The following HTR4 variants were observed in gnomAD, a reference collection of about 807,000 sequenced individuals.
The protein encoded by HTR4 is 5-hydroxytryptamine (serotonin) receptor 4, G protein-coupled.
HTR4 carries 16 observed loss-of-function variants against 36.8 expected under a neutral mutation model. That is an observed-to-expected ratio of 0.43 (90% confidence interval 0.29 to 0.66). HTR4 has a LOEUF of 0.66. HTR4 is among the 30% of genes least tolerant of loss of function. The probability of loss-of-function intolerance (pLI) is 0.13; values close to 1 mark genes in which losing one functional copy is unlikely to be tolerated. For missense variants in HTR4, 438 were observed against 490.9 expected, an observed-to-expected ratio of 0.89 and a Z score of 1.02; for synonymous variants, 189 against 185.1, an observed-to-expected ratio of 1.02 and a Z score of -0.17.
rs747190074 is a variant in HTR4 at position 148,550,226 on chromosome 5, C to T, written c.63G>A (p.Val21=). The T allele has an allele frequency of 6.2e-7, 1 of 1,614,112 alleles. No homozygotes were observed. The highest frequency in any genetic ancestry group is 1.7e-5 in the Admixed American group (1 of 60,026). Residue 21 remains valine, a synonymous_variant, in exon 3 of 7, where the codon GTG becomes GTA. Coordinates refer to ENST00000377888, the MANE Select transcript of HTR4 (RefSeq NM_000870.7). ...EEGFGSVEKV[V]LLTFLSTVIL... The stretch of plus-strand genomic sequence containing the variant: ...TAACCGTCGAGAGAAACGTGAGCAG[C>T]ACCACCTTCTCCACTGACCCGAAAC...
chr5:148,573,550 C>T (rs60558253), intron 2 of HTR4, among the ~76,000 whole-genome samples: 21,855 of 151,858 alleles, frequency 0.14, 1,886 homozygotes, highest in East Asian at 0.26. Context: ...CTGGAAGTGA[C>T]TTATATTATA....
chr5:148,624,198 T>A (rs1753011380), intron 2 of HTR4, among the ~76,000 whole-genome samples: 2 of 152,176 alleles, frequency 1.3e-5, no homozygotes, highest in Admixed American at 1.3e-4. Context: ...TAGGAATTGG[T>A]GTAATAATAC....
downstream of HTR4, among the ~76,000 whole-genome samples, chr5:148,475,991 C>T (rs1755684184): frequency 6.6e-6 from 1 of 152,188 alleles, no homozygotes; most frequent in Non-Finnish European, 1.5e-5. Flanking sequence ...TGTCAAAGCC[C>T]AAGTTCCTAA....
chr5:148,582,214 A>G (rs528744110), intron 2 of HTR4, among the ~76,000 whole-genome samples: 1 of 152,054 alleles, frequency 6.6e-6, no homozygotes, highest in South Asian at 2.1e-4. Flanking sequence ...GAATTAGTTT[A>G]TTAGTTCTAA....
chr5:148,583,351 G>A (rs1418217891), intron 2 of HTR4, among the ~76,000 whole-genome samples: 1 of 151,768 alleles, frequency 6.6e-6, no homozygotes, highest in Non-Finnish European at 1.5e-5. Flanking sequence ...GAGTTAGTGG[G>A]TGCAGCGCAC....
intron 2 of HTR4, among the ~76,000 whole-genome samples, chr5:148,572,548 A>T (rs1013023176): frequency 2.0e-5 from 3 of 152,148 alleles, no homozygotes; most frequent in African/African-American, 7.2e-5. Context: ...TCTTAAAAAA[A>T]GTCTGATAAC....
chr5:148,553,606 C>T (rs948996146), intron 2 of HTR4, among the ~76,000 whole-genome samples: 9 of 152,094 alleles, frequency 5.9e-5, no homozygotes, highest in African/African-American at 1.9e-4. Context: ...AATAGCTTCC[C>T]GGTGTTGTTT....
Position 148,482,427 on chromosome 5 carries a change from A to C in HTR4, c.*776T>G, listed in dbSNP as rs199724780. Reference sequence around the variant, plus strand: ...TCTCAGGGCAGACACGCCAGCGGCCAGGACACCAGGAGGAAGCTATCTGTC... The same window carrying C: ...TCTCAGGGCAGACACGCCAGCGGCCCGGACACCAGGAGGAAGCTATCTGTC... On this transcript the variant is annotated 3_prime_UTR_variant, in exon 7 of 7. Transcript: ENST00000377888. 36 of 985,676 alleles carry C rather than the reference A, an allele frequency of 3.7e-5. No homozygotes were observed. In the African/African-American group the frequency reaches 6.1e-4, roughly 17 times the overall value. The allele number at this position is 985,676 out of a possible 1,614,324, so 61.1% of individuals were successfully genotyped here. A position where few individuals can be genotyped will look rare whatever the true frequency, so the allele number is the denominator to read the frequency against.
chr5:148,596,175 C>T (rs1158675131), intron 2 of HTR4, among the ~76,000 whole-genome samples: 1 of 152,176 alleles, frequency 6.6e-6, no homozygotes, highest in Non-Finnish European at 1.5e-5. Context: ...AAGTAACAAG[C>T]ACAATCTGTG....
At chr5:148,545,440 C>A (rs1759340163) in intron 4 of HTR4, among the ~76,000 whole-genome samples, 2 of 152,188 alleles carry the variant, frequency 1.3e-5, no homozygotes, top group South Asian at 4.1e-4. Flanking sequence ...AGGGATCTTG[C>A]CCTTGTTCGT....
intron 5 of HTR4, among the ~76,000 whole-genome samples, chr5:148,513,681 T>C (rs969223722): frequency 2.0e-5 from 3 of 152,224 alleles, no homozygotes; most frequent in African/African-American, 7.2e-5. Flanking sequence ...AGGATTTTGA[T>C]TGGAATGAGA....
chr5:148,509,426 C>G (rs1475807205), intron 6 of HTR4, 30 bp downstream of exon 6: 1 of 1,517,396 alleles, frequency 6.6e-7, no homozygotes, highest in Non-Finnish European at 8.9e-7. Flanking sequence ...ACAAATCAAC[C>G]AAATCAATGA....
chr5:148,483,186 G>C lies in HTR4; in HGVS notation c.*17C>G. On this transcript the variant is annotated 3_prime_UTR_variant, in exon 7 of 7. Transcript: ENST00000377888. ...TTTCGGAGGCATGGCTGTCTTCTGG[G>C]TCATTGTCCCAGGGGCCTAAGTGTC... The C allele has an allele frequency of 6.2e-7, 1 of 1,613,944 alleles. No individual in the cohort carries two copies. Among genetic ancestry groups the C allele is most frequent in the South Asian group, 1.1e-5 (1 of 91,074 alleles).
chr5:148,538,168 A>G (rs1405536833), intron 4 of HTR4, among the ~76,000 whole-genome samples: 1 of 152,172 alleles, frequency 6.6e-6, no homozygotes, highest in Non-Finnish European at 1.5e-5. Flanking sequence ...AAGGCTTTCA[A>G]TAAAATTCAA....
At chr5:148,488,022 T>C (rs1756245014) in intron 6 of HTR4, among the ~76,000 whole-genome samples, 1 of 152,196 alleles carries the variant, frequency 6.6e-6, no homozygotes, top group Non-Finnish European at 1.5e-5. Flanking sequence ...TAGGTGCTTT[T>C]CATGTGATGA....
intron 2 of HTR4, among the ~76,000 whole-genome samples, chr5:148,625,501 CT>C (rs997825124): frequency 1.3e-5 from 2 of 152,162 alleles, no homozygotes; most frequent in Non-Finnish European, 2.9e-5. Flanking sequence ...AACTTCCCCA[CT>C]CTTAATTAGA....
At chr5:148,497,301 T>G (rs1204678539) in intron 6 of HTR4, among the ~76,000 whole-genome samples, 2 of 152,180 alleles carry the variant, frequency 1.3e-5, no homozygotes, top group African/African-American at 2.4e-5. Context: ...TTTTCTCATG[T>G]GTAGGAAAGT....
At position 148,578,160 on chromosome 5, in the gene HTR4, C is replaced by A. The variant is rs572631806; in HGVS notation, c.27-27898G>T. On this transcript the variant is annotated intron_variant, in intron 2 of 6. Transcript: ENST00000377888. ...GACTACAAATTCTGGGAGACAATTA[C>A]CTCTGTGAGGCGAAGTGAGGGGATG... 2.6e-5 allele frequency among the ~76,000 whole-genome samples: 4 copies of A among 151,928 alleles called. No homozygotes were observed. In the South Asian group the frequency reaches 8.3e-4, roughly 32 times the overall value.
chr5:148,529,709 G>A (rs987134286), intron 4 of HTR4, among the ~76,000 whole-genome samples: 7 of 152,224 alleles, frequency 4.6e-5, no homozygotes. Flanking sequence ...CTGAGTAACA[G>A]GCAGAGGTTG....
Sources: gnomAD v4.1 joint callset for allele counts (sites outside exome capture counted in the v4.1 genomes callset) on GRCh38, gnomAD v4.1.1 for gene constraint, MANE v1.5 for transcripts, NCBI Gene and HGNC (gene_info 2026-07-23, HGNC 2026-07-21) for gene names.